Variants in VPS35 observed in about 807,000 individuals in gnomAD.
The protein encoded by VPS35 is VPS35 retromer complex component.
A neutral mutation model predicts 98.1 loss-of-function variants in VPS35; 21 were observed. That is an observed-to-expected ratio of 0.21 (90% CI 0.15 to 0.31). VPS35 has a LOEUF of 0.31. VPS35 is among the 10% of genes least tolerant of loss of function. The pLI is 1.00. For synonymous variants in VPS35, 268 were observed against 318.2 expected (o/e 0.84, Z 1.68); for missense variants, 554 against 950.8 (o/e 0.58, Z 5.49).
chr16:46,688,883 ACCC>A (rs1966371155), intron 1 of VPS35: 2 of 1,441,488 alleles, frequency 1.4e-6, no homozygotes, highest in Admixed American at 5.4e-5. Flanking sequence ...TGCCAAGTCA[ACCC>A]CACAGAGAGG....
At chr16:46,673,291 C>T (rs1785928179) in intron 10 of VPS35, among the ~76,000 whole-genome samples, 1 of 152,056 alleles carries the variant, frequency 6.6e-6, no homozygotes, top group Non-Finnish European at 1.5e-5. Flanking sequence ...TTTTCTCTCA[C>T]ACTTATCATT....
chr16:46,681,032 T>TACACACAC lies in VPS35; in HGVS notation c.324-187_324-180dup, dbSNP rs3040555. ...CACTGACTGACCTCTAAAAAAACTATACACACACACACACACACACACACA... is the reference window on the plus strand; with the variant it reads ...CACTGACTGACCTCTAAAAAAACTATACACACACACACACACACACACACACACACACA... On this transcript the variant is annotated intron_variant, in intron 4 of 16. Coordinates refer to ENST00000299138, the MANE Select transcript of VPS35 (RefSeq NM_018206.6). 5.5e-3 allele frequency among the ~76,000 whole-genome samples: 788 copies of TACACACAC among 142,106 alleles called. 4 individuals are homozygous for TACACACAC. Among genetic ancestry groups the TACACACAC allele is most frequent in the African/African-American group, 0.019 (729 of 39,014 alleles). 93.2% of individuals were successfully genotyped at this position (142,106 alleles called of 152,430 possible).
chr16:46,662,450 A>G lies in VPS35; in HGVS notation c.1860T>C (p.Asp620=), dbSNP rs1165258506. Residue 620 remains aspartate, a synonymous_variant, in exon 15 of 17, where the codon GAT becomes GAC. Coordinates refer to ENST00000299138, the MANE Select transcript of VPS35 (RefSeq NM_018206.6). ...AFSLYEDEIS[D]SKAQLAAITL... is the part of the protein sequence containing the mutation. Reference sequence around the variant, plus strand: ...TGATGGCAGCTAGCTGTGCTTTGGAATCGCTGATTTCATCTTCATACAGAG... The same window carrying G: ...TGATGGCAGCTAGCTGTGCTTTGGAGTCGCTGATTTCATCTTCATACAGAG... The G allele has an allele frequency of 1.2e-6, 2 of 1,614,078 alleles. No individual in the cohort carries two copies. Among genetic ancestry groups the G allele is most frequent in the African/African-American group, 1.3e-5 (1 of 74,942 alleles).
intron 7 of VPS35, among the ~76,000 whole-genome samples, chr16:46,677,059 A>C (rs535409310): frequency 6.6e-6 from 1 of 152,160 alleles, no homozygotes; most frequent in South Asian, 2.1e-4. Flanking sequence ...AACACTAAAA[A>C]AATTTTTTTA....
chr16:46,688,257 T>C, intron 1 of VPS35: 1 of 976,800 alleles, frequency 1.0e-6, no homozygotes. Flanking sequence ...ACTCAAAAAA[T>C]TTATTTACAC....
Position 46,661,953 on chromosome 16 carries a change from T to G in VPS35, c.2068-92A>C, listed in dbSNP as rs2143005805. On this transcript the variant is annotated intron_variant, in intron 15 of 16. Transcript: ENST00000299138. This position sits in a 1 kb window ranked among gnomAD's most constrained non-coding sequence, Gnocchi z 4.3. ...ACAACACTACCGTGGCTCTTTCGTG[T>G]TTTAAAGGGACATAACAAATTTAAA... The G allele has an allele frequency of 6.5e-7, 1 of 1,541,614 alleles. No homozygotes were observed. The highest frequency in any genetic ancestry group is 8.9e-7 in the Non-Finnish European group (1 of 1,121,536).
At position 46,661,942 on chromosome 16, in the gene VPS35, G is replaced by A; in HGVS notation, c.2068-81C>T. On this transcript the variant is annotated intron_variant, in intron 15 of 16. Transcript: ENST00000299138. The surrounding 1 kb of genome is among the most constrained non-coding windows in gnomAD (Gnocchi z 4.3). ...TACAAAGAAACACAACACTACCGTG[G>A]CTCTTTCGTGTTTTAAAGGGACATA... 2 of 1,576,616 alleles carry A rather than the reference G, an allele frequency of 1.3e-6. No individual in the cohort carries two copies. The highest frequency in any genetic ancestry group is 1.7e-6 in the Non-Finnish European group (2 of 1,151,942).
chr16:46,665,461 G>A (rs1448956534), intron 13 of VPS35, among the ~76,000 whole-genome samples: 1 of 152,002 alleles, frequency 6.6e-6, no homozygotes, highest in Non-Finnish European at 1.5e-5. Context: ...CCAGTGTGGT[G>A]GCACATGCTT....
chr16:46,662,665 G>A (rs1965930647), intron 14 of VPS35, among the ~76,000 whole-genome samples, 183 bp from the exon 15 acceptor site: 1 of 152,128 alleles, frequency 6.6e-6, no homozygotes, highest in South Asian at 2.1e-4. Context: ...CTAAAAAGTT[G>A]CAATAAAGAA....
intron 1 of VPS35, chr16:46,688,656 C>A (rs1224721586): frequency 1.9e-6 from 2 of 1,026,784 alleles, no homozygotes; most frequent in Admixed American, 5.1e-5. Context: ...ATCACTGCGA[C>A]CCCTCCAGGA....
At chr16:46,687,470 C>A (rs1966334888) in intron 1 of VPS35, among the ~76,000 whole-genome samples, 1 of 152,110 alleles carries the variant, frequency 6.6e-6, no homozygotes, top group Non-Finnish European at 1.5e-5. Context: ...AATTTCTTTC[C>A]ACCCTCTTTA....
chr16:46,682,451 A>G (rs189708509), intron 2 of VPS35: 143 of 366,408 alleles, frequency 3.9e-4, no homozygotes, highest in Admixed American at 1.5e-3. Context: ...AGAGACTAGG[A>G]AACTAGCTCC....
chr16:46,674,199 T>C (rs1966108152), intron 10 of VPS35, 115 bp downstream of exon 10: 1 of 1,172,278 alleles, frequency 8.5e-7, no homozygotes, highest in Non-Finnish European at 1.2e-6. Context: ...ATGACAATCT[T>C]AATGCATGAT....
chr16:46,667,936 T>C (rs1966012738), intron 13 of VPS35, among the ~76,000 whole-genome samples: 1 of 152,230 alleles, frequency 6.6e-6, no homozygotes, highest in African/African-American at 2.4e-5. Flanking sequence ...TATGGCTTTG[T>C]AATGTAGGCT....
chr16:46,683,843 G>A (rs1018306205), intron 1 of VPS35, among the ~76,000 whole-genome samples: 2 of 152,118 alleles, frequency 1.3e-5, no homozygotes, highest in African/African-American at 4.8e-5. Context: ...TCCTGCCTCA[G>A]CCTCCTAAGT....
intron 13 of VPS35, among the ~76,000 whole-genome samples, chr16:46,666,487 C>T (rs1965991166): frequency 6.6e-6 from 1 of 152,100 alleles, no homozygotes; most frequent in South Asian, 2.1e-4. Context: ...AGGCTGTTCT[C>T]AAACTCCCGA....
At position 46,689,117 on chromosome 16, in the gene VPS35, C is replaced by A; in HGVS notation, c.3+14G>T. ...GAGGGTCGACCCAGGTGCCACTGCC[C>A]CCTCAGCACTCACCATGGCGACTCC... On this transcript the variant is annotated intron_variant, in intron 1 of 16. Transcript: ENST00000299138. 4 of 1,608,746 alleles carry A rather than the reference C, an allele frequency of 2.5e-6. No homozygotes were observed. Among genetic ancestry groups the A allele is most frequent in the Non-Finnish European group, 2.5e-6 (3 of 1,178,340 alleles).
chr16:46,660,193 T>TTTTTG lies in VPS35; in HGVS notation c.*278_*279insCAAAA. 5.3e-6 allele frequency: 1 copy of TTTTTG among 189,544 alleles called. No individual in the cohort carries two copies. The highest frequency in any genetic ancestry group is 1.0e-5 in the Non-Finnish European group (1 of 95,548). 11.7% of individuals were successfully genotyped at this position (189,544 alleles called of 1,614,324 possible). ...AGATAAGTGCTTGTGGGTTTTGTGT[T>TTTTTG]TTTTTTTTTTTTTTTTTTTACAGAT... On this transcript the variant is annotated 3_prime_UTR_variant, in exon 17 of 17. Coordinates refer to ENST00000299138, the MANE Select transcript of VPS35 (RefSeq NM_018206.6).
chr16:46,688,779 G>T, intron 1 of VPS35: 3 of 1,269,368 alleles, frequency 2.4e-6, no homozygotes, highest in Non-Finnish European at 3.0e-6. Flanking sequence ...GGGGCCAGAC[G>T]CTCAGACCTA....
Sources: gnomAD v4.1 joint callset for allele counts (sites outside exome capture counted in the v4.1 genomes callset) on GRCh38, gnomAD v4.1.1 for gene constraint, Gnocchi (gnomAD v3.1) non-coding constraint, MANE v1.5 for transcripts, NCBI Gene and HGNC (gene_info 2026-07-23, HGNC 2026-07-21) for gene names.